Variants in MAGI3 observed in about 807,000 individuals in gnomAD.
The protein encoded by MAGI3 is membrane-associated guanylate kinase, WW and PDZ domain-containing protein 3.
Under a neutral mutation model 121.8 loss-of-function variants are expected in MAGI3, and 43 were observed. The observed-to-expected ratio is 0.35, with a 90% CI of 0.28 to 0.46. The LOEUF (loss-of-function observed/expected upper bound fraction) is 0.46, where lower values mean the gene tolerates loss of function less well. MAGI3 is among the 20% of genes least tolerant of loss of function. MAGI3 has a pLI of 1.00. For missense variants in MAGI3, 1,547 were observed against 1,797.3 expected (o/e 0.86, Z 2.52); for synonymous variants, 553 against 639.3 (o/e 0.86, Z 2.04).
intron 2 of MAGI3, among the ~76,000 whole-genome samples, chr1:113,575,617 G>C (rs1341875742): frequency 1.3e-5 from 2 of 152,218 alleles, no homozygotes; most frequent in Non-Finnish European, 2.9e-5. Flanking sequence ...CCTGTATGAG[G>C]TGTCTGTTGA....
At chr1:113,557,386 G>A (rs1467782073) in intron 2 of MAGI3, among the ~76,000 whole-genome samples, 2 of 152,230 alleles carry the variant, frequency 1.3e-5, no homozygotes, top group East Asian at 1.9e-4. Context: ...GCTTTGGAGA[G>A]TCCAAGCTGA....
chr1:113,525,933 C>T (rs1658427182), intron 1 of MAGI3, among the ~76,000 whole-genome samples: 2 of 151,928 alleles, frequency 1.3e-5, no homozygotes, highest in African/African-American at 4.8e-5. Context: ...ACTTGGGAGG[C>T]GGAGATTGCA....
chr1:113,640,099 C>T (rs1652360849), intron 9 of MAGI3, among the ~76,000 whole-genome samples: 1 of 152,072 alleles, frequency 6.6e-6, no homozygotes, highest in East Asian at 1.9e-4. Flanking sequence ...CAAAAAAAGA[C>T]AATTATGTGG....
At position 113,390,975 on chromosome 1, in the gene MAGI3, C is replaced by A. The variant is rs563419072; in HGVS notation, c.-59C>A. On this transcript the variant is annotated 5_prime_UTR_variant, in exon 1 of 21. Coordinates refer to ENST00000307546, the MANE Select transcript of MAGI3 (RefSeq NM_001142782.2). ...CCAGGGCCCCCGGGCTGAGACGGGG[C>A]CGGAGCGGCGCCCCGGCCGCCCGCG... The A allele has an allele frequency of 6.9e-7, 1 of 1,448,004 alleles. No homozygotes were observed. Among genetic ancestry groups the A allele is most frequent in the Non-Finnish European group, 9.1e-7 (1 of 1,099,922 alleles). The allele number at this position is 1,448,004 out of a possible 1,614,324, so 89.7% of individuals were successfully genotyped here. A position where few individuals can be genotyped will look rare whatever the true frequency, so the allele number is the denominator to read the frequency against.
chr1:113,634,520 G>A (rs1423208812), intron 9 of MAGI3, among the ~76,000 whole-genome samples: 2 of 152,150 alleles, frequency 1.3e-5, no homozygotes, highest in Non-Finnish European at 2.9e-5. Flanking sequence ...GTTTTTCTCA[G>A]GTTTGTCGAA....
chr1:113,510,639 G>C (rs533766348), intron 1 of MAGI3, among the ~76,000 whole-genome samples: 28 of 152,230 alleles, frequency 1.8e-4, no homozygotes, highest in African/African-American at 5.8e-4. Context: ...TTGGTCATAT[G>C]ACATTCCTGC....
chr1:113,447,594 C>T (rs1654241136), intron 1 of MAGI3, among the ~76,000 whole-genome samples: 1 of 152,198 alleles, frequency 6.6e-6, no homozygotes, highest in Admixed American at 6.5e-5. Context: ...TGGCTCACGC[C>T]TATAATCCCA....
chr1:113,611,795 G>A (rs1266463927), intron 6 of MAGI3, among the ~76,000 whole-genome samples: 1 of 152,066 alleles, frequency 6.6e-6, no homozygotes, highest in East Asian at 1.9e-4. Flanking sequence ...TTTTGTGCTT[G>A]TTCATAAAAT....
intron 1 of MAGI3, among the ~76,000 whole-genome samples, chr1:113,467,498 G>C (rs1214495013): frequency 6.6e-6 from 1 of 152,016 alleles, no homozygotes; most frequent in Non-Finnish European, 1.5e-5. Context: ...CTCTCTGAAT[G>C]ATCTATTACT....
At chr1:113,554,705 A>T (rs960564786) in intron 2 of MAGI3, among the ~76,000 whole-genome samples, 7 of 152,142 alleles carry the variant, frequency 4.6e-5, no homozygotes, top group Admixed American at 1.3e-4. Flanking sequence ...AGTGACTGAA[A>T]TGTTTCCAAA....
intron 1 of MAGI3, among the ~76,000 whole-genome samples, chr1:113,516,946 T>C (rs575650467): frequency 3.3e-4 from 50 of 152,124 alleles, no homozygotes; most frequent in South Asian, 2.5e-3. Context: ...GAGAAAAACA[T>C]GAGACAAACT....
In MAGI3 at chr1:113,653,909, C is replaced by G; in HGVS notation, c.2520C>G (p.Val840=). Reference sequence around the variant, plus strand: ...CTCCCCGCCTGAACCGGGCAGAGGTCCCAGCCAGGCCTGCACCCCAGGAGC... The same window carrying G: ...CTCCCCGCCTGAACCGGGCAGAGGTGCCAGCCAGGCCTGCACCCCAGGAGC... ...NGSPRLNRAE[V]PARPAPQEPY... Residue 840 remains valine (V), a synonymous_variant, in exon 15 of 21, where the codon GTC becomes GTG. Coordinates refer to ENST00000307546, the MANE Select transcript of MAGI3 (RefSeq NM_001142782.2). The G allele has an allele frequency of 6.2e-7, 1 of 1,614,030 alleles. No homozygotes were observed. The highest frequency in any genetic ancestry group is 8.5e-7 in the Non-Finnish European group (1 of 1,179,974).
intron 6 of MAGI3, among the ~76,000 whole-genome samples, chr1:113,609,472 T>A (rs1649990218): frequency 6.6e-6 from 1 of 151,962 alleles, no homozygotes. Context: ...TTTTATCTTC[T>A]ATTCAAATAA....
chr1:113,473,355 C>G (rs1482025501), intron 1 of MAGI3, among the ~76,000 whole-genome samples: 1 of 152,094 alleles, frequency 6.6e-6, no homozygotes, highest in African/African-American at 2.4e-5. Flanking sequence ...TGGTTTGCTG[C>G]ACCGATCAAC....
chr1:113,654,120 A>G, intron 15 of MAGI3, 102 bp downstream of exon 15: 3 of 924,592 alleles, frequency 3.2e-6, no homozygotes, highest in Non-Finnish European at 4.8e-6. Context: ...AAAATGCCTT[A>G]GGTACTTATC....
chr1:113,682,688 A>G, intron 20 of MAGI3: 1 of 978,526 alleles, frequency 1.0e-6, no homozygotes. Context: ...TATTTTGTGT[A>G]TATAAACAAC....
intron 6 of MAGI3, among the ~76,000 whole-genome samples, chr1:113,599,124 G>A (rs529160569): frequency 6.6e-6 from 1 of 152,110 alleles, no homozygotes; most frequent in South Asian, 2.1e-4. Context: ...GCAGGAAAGA[G>A]CCAAAATTGA....
At chr1:113,637,615 G>A (rs1308288740) in intron 9 of MAGI3, among the ~76,000 whole-genome samples, 1 of 152,158 alleles carries the variant, frequency 6.6e-6, no homozygotes, top group Non-Finnish European at 1.5e-5. Context: ...AGTCTGATGG[G>A]CTTCCCTTTG....
At chr1:113,528,807 G>C (rs1658573490) in intron 1 of MAGI3, among the ~76,000 whole-genome samples, 2 of 152,098 alleles carry the variant, frequency 1.3e-5, no homozygotes, top group Admixed American at 1.3e-4. Flanking sequence ...ACAAAACCCA[G>C]TGTTAATACT....
Sources: allele counts gnomAD v4.1 joint callset (sites outside exome capture counted in the v4.1 genomes callset), GRCh38; gene constraint gnomAD v4.1.1; transcripts MANE v1.5; gene names NCBI Gene and HGNC (gene_info 2026-07-23, HGNC 2026-07-21).